Variants in DENND3 observed in about 807,000 individuals in gnomAD.
DENND3 encodes DENN domain containing 3, also known as DENN domain-containing protein 3.
Under a neutral mutation model 135.1 loss-of-function variants are expected in DENND3, and 88 were observed. That is an observed-to-expected ratio of 0.65 (90% CI 0.55 to 0.78). DENND3 has a LOEUF of 0.78. DENND3 is among the 30% of genes least tolerant of loss of function. The pLI is 0.00. For missense variants in DENND3, 1,392 were observed against 1,688.4 expected (o/e 0.82, Z 3.08); for synonymous variants, 693 against 712.3 (o/e 0.97, Z 0.43).
At chr8:141,156,090 G>GA (rs1171771353) in intron 8 of DENND3, 120 bp downstream of exon 8, 3 of 1,313,304 alleles carry the variant, frequency 2.3e-6, no homozygotes, top group Non-Finnish European at 3.0e-6. Context: ...ATTATAGTTT[G>GA]GAAATTATTT....
Position 141,144,253 on chromosome 8 carries a change from C to G in DENND3, c.729C>G (p.Leu243=). 6.2e-7 allele frequency: 1 copy of G among 1,609,422 alleles called. No homozygotes were observed. The highest frequency in any genetic ancestry group is 8.5e-7 in the Non-Finnish European group (1 of 1,178,646). The change falls in exon 5 of 23, where the codon CTC becomes CTG. Residue 243 remains leucine (L), a synonymous_variant. Coordinates refer to ENST00000519811, the MANE Select transcript of DENND3 (RefSeq NM_001352890.3). This position sits in a 1 kb window ranked among gnomAD's most constrained non-coding sequence, Gnocchi z 4.4. The part of the protein sequence containing the change: ...SLIPSPPPGP[L]HLVFNMKSLQ... ...TACCCAGCCCGCCACCTGGACCGCT[C>G]CATTTGGTAAAGTATATCTGAAATT...
chr8:141,192,749 C>A, intron 22 of DENND3, 86 bp downstream of exon 22: 3 of 1,607,740 alleles, frequency 1.9e-6, no homozygotes, highest in Non-Finnish European at 2.5e-6. Flanking sequence ...GAGCCAGCCG[C>A]ACGCCCTCGT....
At position 141,194,169 on chromosome 8, in the gene DENND3, A is replaced by T. The variant is rs2154613625; in HGVS notation, c.3773A>T (p.Asp1258Val). ...GTGAGGACGCTGTGCTCGGCTGAGG[A>T]CAGATACGTGCTGAGTGGGTCGGGC... ...DTVRTLCSAEDRYVLSGSGRE... is the reference protein window; with the variant it reads ...DTVRTLCSAEVRYVLSGSGRE... The change falls in exon 23 of 23, where the codon GAC becomes GTC. Residue 1258 changes from aspartate to valine, a missense_variant. Physicochemically the swap from Asp to Val is radical, Grantham distance 152. Coordinates refer to ENST00000519811, the MANE Select transcript of DENND3 (RefSeq NM_001352890.3). The T allele has an allele frequency of 6.2e-7, 1 of 1,613,664 alleles. No homozygotes were observed. Among genetic ancestry groups the T allele is most frequent in the Non-Finnish European group, 8.5e-7 (1 of 1,179,958 alleles).
At position 141,182,384 on chromosome 8, in the gene DENND3, C is replaced by T. The variant is rs1823259673; in HGVS notation, c.2944+1530C>T. On this transcript the variant is annotated intron_variant, in intron 17 of 22. Transcript: ENST00000519811. The surrounding 1 kb of genome is among the most constrained non-coding windows in gnomAD (Gnocchi z 5.9). ...GAGCAGGCAGCGTCATCAGGGCCGC[C>T]CCGCGTGAGCCCTACCTGATGTGTC... is the stretch of plus-strand genomic sequence containing the variant. 5.1e-6 allele frequency: 5 copies of T among 985,350 alleles called. No individual in the cohort carries two copies. The South Asian group carries it at 1.9e-4, about 37-fold the overall frequency. 61.0% of individuals were successfully genotyped at this position (985,350 alleles called of 1,614,324 possible).
At chr8:141,158,139 C>T in intron 8 of DENND3, 1 of 1,287,792 alleles carries the variant, frequency 7.8e-7, no homozygotes, top group South Asian at 1.2e-5. Context: ...CCTGCACAGG[C>T]AAGGCTGGTT....
In DENND3 at chr8:141,135,293, A is replaced by G. The variant is rs146264491; in HGVS notation, c.103-1216A>G. 9.2e-3 allele frequency among the ~76,000 whole-genome samples: 1,397 copies of G among 152,146 alleles called. 8 individuals are homozygous for G. Among genetic ancestry groups the G allele is most frequent in the Non-Finnish European group, 0.014 (958 of 67,994 alleles). On this transcript the variant is annotated intron_variant, in intron 1 of 22. Coordinates refer to ENST00000519811, the MANE Select transcript of DENND3 (RefSeq NM_001352890.3). Reference sequence around the variant, plus strand: ...TAGCCTCCTGTGTAGCTGGGACCACAGGCATGTGCCACTATGCCTGGCTAA... The same window carrying G: ...TAGCCTCCTGTGTAGCTGGGACCACGGGCATGTGCCACTATGCCTGGCTAA...
chr8:141,141,896 T>C lies in DENND3; in HGVS notation c.623+572T>C, dbSNP rs1456444519. On this transcript the variant is annotated intron_variant, in intron 4 of 22. Coordinates refer to ENST00000519811, the MANE Select transcript of DENND3 (RefSeq NM_001352890.3). This position sits in a 1 kb window ranked among gnomAD's most constrained non-coding sequence, Gnocchi z 5.3. ...TGTCTCTAAAAAACAATTTAAAAAC[T>C]AGTTGGGCATGGTGGTGTGTGCCTG... 1.1e-5 allele frequency: 2 copies of C among 187,252 alleles called. No individual in the cohort carries two copies. The highest frequency in any genetic ancestry group is 4.8e-5 in the African/African-American group (2 of 41,640). The allele number at this position is 187,252 out of a possible 1,614,324, so 11.6% of individuals were successfully genotyped here. A position where few individuals can be genotyped will look rare whatever the true frequency, so the allele number is the denominator to read the frequency against.
chr8:141,180,626 C>T (rs1822972146), intron 16 of DENND3, 121 bp from the exon 17 acceptor site: 1 of 952,496 alleles, frequency 1.0e-6, no homozygotes, highest in Admixed American at 2.4e-5. Context: ...TTCGTCTTCA[C>T]AAATTAGGAA....
intron 7 of DENND3, among the ~76,000 whole-genome samples, chr8:141,153,683 G>T (rs551966378): frequency 6.6e-6 from 1 of 152,256 alleles, no homozygotes; most frequent in South Asian, 2.1e-4. Context: ...AGGCCAGGCA[G>T]ACCTCTGTGG....
At chr8:141,183,750 T>TTA (rs1262459510) in intron 17 of DENND3, among the ~76,000 whole-genome samples, 1 of 141,198 alleles carries the variant, frequency 7.1e-6, no homozygotes, top group Admixed American at 6.7e-5. Context: ...TTTTTTTTTT[T>TTA]TAATTTAAAA....
At position 141,144,158 on chromosome 8, in the gene DENND3, C is replaced by T. The variant is rs370068043; in HGVS notation, c.634C>T (p.Leu212Phe). 1.6e-5 allele frequency: 25 copies of T among 1,610,212 alleles called. No individual in the cohort carries two copies. The highest frequency in any genetic ancestry group is 2.0e-5 in the Non-Finnish European group (23 of 1,179,182). ...LKDCLSCLLA[L>F]LKPCKDFEVD... The stretch of plus-strand genomic sequence containing the variant: ...TGTTTCGAATTTCAGTTTATTGGCT[C>T]TTCTGAAGCCCTGTAAAGATTTTGA... The change falls in exon 5 of 23, where the codon CTT becomes TTT. Residue 212 changes from leucine (L) to phenylalanine (F), a missense_variant. Transcript: ENST00000519811. The surrounding 1 kb of genome is among the most constrained non-coding windows in gnomAD (Gnocchi z 4.4).
chr8:141,188,808 G>A (rs1029383288), intron 18 of DENND3, 178 bp from the exon 19 acceptor site: 14 of 690,848 alleles, frequency 2.0e-5, no homozygotes, highest in Non-Finnish European at 2.8e-5. Flanking sequence ...ACAAGGTTAT[G>A]CACTGATGGG....
chr8:141,172,917 T>TAA (rs750587201), intron 13 of DENND3, among the ~76,000 whole-genome samples: 1 of 126,246 alleles, frequency 7.9e-6, no homozygotes. Context: ...TCTCTAAATT[T>TAA]AAAAAAAAAA....
At chr8:141,129,115 C>A (rs1815587440) in intron 1 of DENND3, among the ~76,000 whole-genome samples, 1 of 152,234 alleles carries the variant, frequency 6.6e-6, no homozygotes, top group African/African-American at 2.4e-5. Context: ...GGGGTGCCGC[C>A]CCTCGGAGAG....
intron 5 of DENND3, among the ~76,000 whole-genome samples, chr8:141,149,327 A>G (rs1343697214): frequency 6.6e-6 from 1 of 152,252 alleles, no homozygotes; most frequent in Non-Finnish European, 1.5e-5. Context: ...AAACTGCAAC[A>G]TTAAGCCCTG....
In DENND3 at chr8:141,155,915, G is replaced by A. The variant is rs763676755; in HGVS notation, c.1141G>A (p.Asp381Asn). 4 of 1,612,548 alleles carry A rather than the reference G, an allele frequency of 2.5e-6. No individual in the cohort carries two copies. Among genetic ancestry groups the A allele is most frequent in the Non-Finnish European group, 1.7e-6 (2 of 1,179,170 alleles). The change falls in exon 8 of 23, where the codon GAT becomes AAT. Residue 381 changes from aspartate (D) to asparagine (N), a missense_variant. Coordinates refer to ENST00000519811, the MANE Select transcript of DENND3 (RefSeq NM_001352890.3). ...CATCACCTACTCCAAGTCCACGGAC[G>A]ATAACGTGGACATTCCTGATGTCCC... ...GSITYSKSTD[D>N]NVDIPDVPLL...
intron 19 of DENND3, among the ~76,000 whole-genome samples, chr8:141,189,363 G>A (rs1824378020): frequency 3.9e-5 from 6 of 152,266 alleles, no homozygotes; most frequent in Admixed American, 3.9e-4. Flanking sequence ...GCGTGGTGAT[G>A]AAGGCACCAC....
At position 141,174,484 on chromosome 8, in the gene DENND3, G is replaced by A. The variant is rs908735201; in HGVS notation, c.2276-716G>A. On this transcript the variant is annotated intron_variant, in intron 13 of 22. Coordinates refer to ENST00000519811, the MANE Select transcript of DENND3 (RefSeq NM_001352890.3). This position sits in a 1 kb window ranked among gnomAD's most constrained non-coding sequence, Gnocchi z 4.6. ...CTGCCGGCAGGGACTTGGGATTTCC[G>A]AGGGGTCGTCCCATCTCCCGCTGAC... Among the ~76,000 whole-genome samples, 10 of 152,124 alleles carry A rather than the reference G, an allele frequency of 6.6e-5. No individual in the cohort carries two copies. Among genetic ancestry groups the A allele is most frequent in the African/African-American group, 2.2e-4 (9 of 41,426 alleles).
At chr8:141,129,934 C>G (rs909823959) in intron 1 of DENND3, 2 of 152,276 alleles carry the variant, frequency 1.3e-5, no homozygotes, top group African/African-American at 4.8e-5. Context: ...TTTCCCTCAA[C>G]TTTTCCTTCC....
Sources: allele counts gnomAD v4.1 joint callset (sites outside exome capture counted in the v4.1 genomes callset), GRCh38; gene constraint gnomAD v4.1.1; non-coding constraint Gnocchi (gnomAD v3.1); transcripts MANE v1.5; gene names NCBI Gene and HGNC (gene_info 2026-07-23, HGNC 2026-07-21).